GLIPR1L1: variants seen among roughly 807,000 people sequenced by gnomAD.
The protein encoded by GLIPR1L1 is GLIPR1-like protein 1.
GLIPR1L1 carries 26 observed loss-of-function variants against 29.9 expected under a neutral mutation model. The ratio of observed to expected loss-of-function variants is 0.87; its 90% CI spans 0.64 to 1.21. The LOEUF (loss-of-function observed/expected upper bound fraction) is 1.21. Among genes scored for constraint, GLIPR1L1 ranks in the 50% most tolerant of loss-of-function variants. GLIPR1L1 has a pLI of 0.00. For missense variants in GLIPR1L1, 305 were observed against 290.3 expected (o/e 1.05, Z -0.37); for synonymous variants, 77 against 97.5 (o/e 0.79, Z 1.24).
intron 3 of GLIPR1L1, among the ~76,000 whole-genome samples, chr12:75,355,138 T>C (rs555736537): frequency 6.6e-6 from 1 of 152,232 alleles, no homozygotes; most frequent in South Asian, 2.1e-4. Flanking sequence ...ATGGGATCAA[T>C]TAAACTAAAG....
At chr12:75,336,710 TAGTG>T (rs1055373412) in intron 1 of GLIPR1L1, among the ~76,000 whole-genome samples, 89 of 151,908 alleles carry the variant, frequency 5.9e-4, no homozygotes, top group African/African-American at 1.9e-3. Context: ...ATTTTAATCT[TAGTG>T]AGTAAGAGAA....
chr12:75,368,505 G>T (rs4882690), intron 4 of GLIPR1L1, among the ~76,000 whole-genome samples: 148,239 of 152,060 alleles, frequency 0.97, 72,281 homozygotes, highest in East Asian at 1. Flanking sequence ...GATGCCCCAG[G>T]AATACAATAT....
At chr12:75,350,450 C>T (rs2042732009) in intron 3 of GLIPR1L1, among the ~76,000 whole-genome samples, 1 of 152,158 alleles carries the variant, frequency 6.6e-6, no homozygotes, top group Admixed American at 6.5e-5. Context: ...TTCTGGCGGG[C>T]ATCAGGTCAA....
intron 3 of GLIPR1L1, among the ~76,000 whole-genome samples, chr12:75,362,299 T>C (rs570041040): frequency 9.2e-5 from 14 of 152,190 alleles, no homozygotes; most frequent in Non-Finnish European, 1.9e-4. Flanking sequence ...CAAATTAAGG[T>C]CACAATAAAT....
Position 75,370,292 on chromosome 12 carries a change from A to C in GLIPR1L1, c.*116A>C. 3.4e-6 allele frequency: 2 copies of C among 582,470 alleles called. No homozygotes were observed. The highest frequency in any genetic ancestry group is 5.6e-5 in the East Asian group (2 of 35,894). 36.1% of individuals were successfully genotyped at this position (582,470 alleles called of 1,614,324 possible). On this transcript the variant is annotated 3_prime_UTR_variant, in exon 6 of 6. Transcript: ENST00000378695. ...TGAATCTTCTACACTCTTGCCTGAT[A>C]CCTAAATTTAATGTTTGTTTTTAAC...
intron 4 of GLIPR1L1, among the ~76,000 whole-genome samples, chr12:75,365,994 A>C (rs1185060036): frequency 6.6e-6 from 1 of 152,204 alleles, no homozygotes; most frequent in Non-Finnish European, 1.5e-5. Context: ...CCAGGGATAA[A>C]TATGAATCCA....
intron 3 of GLIPR1L1, among the ~76,000 whole-genome samples, chr12:75,357,360 AT>A (rs2043220687): frequency 6.6e-6 from 1 of 152,200 alleles, no homozygotes; most frequent in South Asian, 2.1e-4. Flanking sequence ...GATTAAAATT[AT>A]GTAAAATAAG....
At chr12:75,345,253 TA>T (rs2042372628) in intron 2 of GLIPR1L1, among the ~76,000 whole-genome samples, 1 of 152,128 alleles carries the variant, frequency 6.6e-6, no homozygotes. Context: ...AGGACAATTA[TA>T]CAGTTTCTAT....
intron 3 of GLIPR1L1, among the ~76,000 whole-genome samples, chr12:75,355,420 G>A (rs1030353996): frequency 6.6e-6 from 1 of 152,176 alleles, no homozygotes; most frequent in Non-Finnish European, 1.5e-5. Flanking sequence ...ATCGCAGTTA[G>A]ATACCATCTC....
At chr12:75,339,464 T>C (rs557063339) in intron 1 of GLIPR1L1, among the ~76,000 whole-genome samples, 9 of 152,324 alleles carry the variant, frequency 5.9e-5, no homozygotes, top group South Asian at 2.1e-4. Context: ...TAAATTTATT[T>C]AATCTCCTTA....
At chr12:75,336,759 T>G (rs964851252) in intron 1 of GLIPR1L1, among the ~76,000 whole-genome samples, 3 of 151,746 alleles carry the variant, frequency 2.0e-5, no homozygotes, top group Non-Finnish European at 4.4e-5. Flanking sequence ...TAAAAAAGAT[T>G]TGAACATCAA....
chr12:75,343,826 G>A lies in GLIPR1L1; in HGVS notation c.308G>A (p.Gly103Asp), dbSNP rs759658957. 2.5e-6 allele frequency: 4 copies of A among 1,613,376 alleles called. No homozygotes were observed. The highest frequency in any genetic ancestry group is 3.4e-6 in the Non-Finnish European group (4 of 1,179,552). ...FEYVGENIWL[G>D]GIKSFTPRHA... ...TATGTTGGAGAAAATATCTGGTTAG[G>A]TGGAATAAAGTCATTCACACCAAGA... The change falls in exon 2 of 6, where the codon GGT becomes GAT. Residue 103 changes from glycine (G) to aspartate (D), a missense_variant. Coordinates refer to ENST00000378695, the MANE Select transcript of GLIPR1L1 (RefSeq NM_001304964.2).
At chr12:75,350,367 G>A (rs2042725731) in intron 3 of GLIPR1L1, among the ~76,000 whole-genome samples, 2 of 152,280 alleles carry the variant, frequency 1.3e-5, no homozygotes, top group South Asian at 2.1e-4. Flanking sequence ...TATTTAAGTG[G>A]GTCCTTTATC....
chr12:75,352,418 A>T (rs376248890), intron 3 of GLIPR1L1, among the ~76,000 whole-genome samples: 31 of 152,242 alleles, frequency 2.0e-4, no homozygotes, highest in African/African-American at 7.5e-4. Context: ...GGCATTACAT[A>T]ATGGTAAAGT....
At position 75,343,978 on chromosome 12, in the gene GLIPR1L1, G is replaced by A. The variant is rs368257352; in HGVS notation, c.420+40G>A. 4.7e-5 allele frequency: 70 copies of A among 1,498,022 alleles called. 2 individuals are homozygous for A. In the Middle Eastern group the frequency reaches 1.2e-3, roughly 25 times the overall value. The allele number at this position is 1,498,022 out of a possible 1,614,324, so 92.8% of individuals were successfully genotyped here. On this transcript the variant is annotated intron_variant, in intron 2 of 5. Transcript: ENST00000378695. ...TCTTTATTGATTAGTTCTTATTTGTGCATATTTTAATTGCCAGAATTTATT... is the reference window on the plus strand; with the variant it reads ...TCTTTATTGATTAGTTCTTATTTGTACATATTTTAATTGCCAGAATTTATT...
intron 3 of GLIPR1L1, 125 bp downstream of exon 3, chr12:75,347,847 A>G: frequency 4.8e-6 from 2 of 413,470 alleles, no homozygotes; most frequent in Non-Finnish European, 8.6e-6. Flanking sequence ...TACAATGCTA[A>G]TCAAATGAGA....
intron 3 of GLIPR1L1, among the ~76,000 whole-genome samples, chr12:75,358,799 ATATAT>A (rs950486575): frequency 6.9e-5 from 10 of 143,928 alleles, no homozygotes; most frequent in South Asian, 6.3e-4. Flanking sequence ...ACAATATATA[ATATAT>A]TATATATGTT....
intron 2 of GLIPR1L1, among the ~76,000 whole-genome samples, chr12:75,345,274 T>TC (rs2042375103): frequency 1.3e-5 from 2 of 152,132 alleles, no homozygotes; most frequent in Non-Finnish European, 2.9e-5. Context: ...TCTTTTTTTT[T>TC]CTGCAAATCT....
At chr12:75,346,505 C>G (rs547441510) in intron 2 of GLIPR1L1, among the ~76,000 whole-genome samples, 1 of 152,166 alleles carries the variant, frequency 6.6e-6, no homozygotes, top group South Asian at 2.1e-4. Context: ...ATTCTCCTGC[C>G]TCAGCCTCCT....
Sources: allele counts gnomAD v4.1 joint callset (sites outside exome capture counted in the v4.1 genomes callset), GRCh38; gene constraint gnomAD v4.1.1; transcripts MANE v1.5; gene names NCBI Gene and HGNC (gene_info 2026-07-23, HGNC 2026-07-21).